EIF2AK4: variants seen among roughly 807,000 people sequenced by gnomAD.
EIF2AK4 encodes the protein eIF-2-alpha kinase GCN2.
Under a neutral mutation model 211.1 loss-of-function variants are expected in EIF2AK4, and 139 were observed. The observed-to-expected ratio is 0.66, with a 90% CI of 0.57 to 0.76. EIF2AK4 has a LOEUF of 0.76. Among genes scored for constraint, EIF2AK4 ranks in the 30% least tolerant of loss-of-function variants. EIF2AK4 has a pLI of 0.00. For synonymous variants in EIF2AK4, 710 were observed against 751.3 expected (o/e 0.94, Z 0.90); for missense variants, 1,664 against 2,043.8 (o/e 0.81, Z 3.58).
intron 14 of EIF2AK4, among the ~76,000 whole-genome samples, 194 bp from the exon 15 acceptor site, chr15:39,987,789 A>G (rs762307320): frequency 2.0e-5 from 3 of 152,248 alleles, no homozygotes; most frequent in Non-Finnish European, 2.9e-5. Context: ...TGGAGTGCCA[A>G]GAGTATGCAT....
At chr15:39,998,270 G>GTTTTTTTTTTTTTTTTTTT (rs11435806) in intron 19 of EIF2AK4, among the ~76,000 whole-genome samples, 1 of 125,406 alleles carries the variant, frequency 8.0e-6, no homozygotes, top group Non-Finnish European at 1.6e-5. Flanking sequence ...TTTTTTTTTT[G>GTTTTTTTTTTTTTTTTTTT]TTTTGTTTTT....
In EIF2AK4 at chr15:39,988,062, T is replaced by G. The variant is rs1379790900; in HGVS notation, c.2483T>G (p.Leu828Arg). The G allele has an allele frequency of 1.2e-6, 2 of 1,614,032 alleles. No individual in the cohort carries two copies. The highest frequency in any genetic ancestry group is 1.7e-5 in the Admixed American group (1 of 59,998). The change falls in exon 15 of 39, where the codon CTT becomes CGT. Residue 828 changes from leucine (L) to arginine (R), a missense_variant. Physicochemically the swap from Leu to Arg is moderately radical, Grantham distance 102 (BLOSUM62 -2). This residue lies in a region of EIF2AK4 where 622 missense variants were observed against 796.8 expected (regional missense o/e 0.78). Transcript: ENST00000263791. ...LYRDTVRLWRLFREILDGLAY... is the reference protein window; with the variant it reads ...LYRDTVRLWRRFREILDGLAY... ...CGAGACACCGTCAGACTCTGGAGGC[T>G]TTTTCGAGAGATTCTGGATGGATTA...
chr15:39,997,587 TAGAAGTTAA>T (rs2035034114), intron 19 of EIF2AK4, among the ~76,000 whole-genome samples: 1 of 152,216 alleles, frequency 6.6e-6, no homozygotes, highest in South Asian at 2.1e-4. Flanking sequence ...TATTTAGTTC[TAGAAGTTAA>T]AGATGCCTGT....
At position 40,009,624 on chromosome 15, in the gene EIF2AK4, A is replaced by G; in HGVS notation, c.3587A>G (p.Tyr1196Cys). The change falls in exon 26 of 39, where the codon TAC becomes TGC. Residue 1196 changes from tyrosine to cysteine, a missense_variant. Physicochemically the swap from Tyr to Cys is radical, Grantham distance 194. Around this residue, in one of 7 missense-constraint regions of EIF2AK4, gnomAD observed 622 missense variants for 796.8 expected, o/e 0.78. Coordinates refer to ENST00000263791, the MANE Select transcript of EIF2AK4 (RefSeq NM_001013703.4). ...QEFPALQERN[Y>C]SIYLNHTMLL... is the part of the protein sequence containing the mutation. ...TTCTCCATATCCCAGGAAAGAAATT[A>G]CAGTATTTATTTGAACCATACCATG... 1 of 1,581,812 alleles carries G rather than the reference A, an allele frequency of 6.3e-7. No homozygotes were observed. The highest frequency in any genetic ancestry group is 8.6e-7 in the Non-Finnish European group (1 of 1,165,206).
intron 1 of EIF2AK4, among the ~76,000 whole-genome samples, chr15:39,938,143 T>G (rs1267809340): frequency 6.6e-6 from 1 of 152,232 alleles, no homozygotes; most frequent in Non-Finnish European, 1.5e-5. Flanking sequence ...TATGTTTGTT[T>G]TCCCCCACCA....
At chr15:39,939,685 G>A in intron 2 of EIF2AK4, 68 bp downstream of exon 2, 1 of 1,297,148 alleles carries the variant, frequency 7.7e-7, no homozygotes, top group Non-Finnish European at 1.1e-6. Context: ...GAAACAGATT[G>A]AAATTCGTAG....
chr15:39,934,380 G>T, intron 1 of EIF2AK4, 41 bp downstream of exon 1: 1 of 1,566,264 alleles, frequency 6.4e-7, no homozygotes, highest in Non-Finnish European at 8.6e-7. Flanking sequence ...GCGTGCCCTG[G>T]CCTCCCCGGG....
At chr15:40,006,913 T>TA (rs2035169658) in intron 23 of EIF2AK4, 103 bp from the exon 24 acceptor site, 3 of 844,406 alleles carry the variant, frequency 3.6e-6, no homozygotes. Flanking sequence ...GTACATACTT[T>TA]AAAGGGGTGA....
At chr15:39,946,341 A>G (rs112534068) in intron 3 of EIF2AK4, among the ~76,000 whole-genome samples, 4 of 152,318 alleles carry the variant, frequency 2.6e-5, no homozygotes, top group African/African-American at 9.6e-5. Flanking sequence ...GGGGTTCAAG[A>G]CTTCACTGGA....
intron 3 of EIF2AK4, chr15:39,946,474 C>G: frequency 1.5e-6 from 1 of 671,634 alleles, no homozygotes; most frequent in East Asian, 2.7e-5. Context: ...GATTAGTTGC[C>G]TCTTATAGAT....
chr15:39,974,700 C>T (rs549123291), intron 11 of EIF2AK4: 53 of 152,198 alleles, frequency 3.5e-4, no homozygotes, highest in African/African-American at 1.2e-3. Context: ...AGAATAGTAA[C>T]AAATTTCATC....
chr15:39,996,701 A>T (rs2035023042), intron 18 of EIF2AK4, among the ~76,000 whole-genome samples: 2 of 152,078 alleles, frequency 1.3e-5, no homozygotes, highest in South Asian at 4.1e-4. Flanking sequence ...ACAGAGTGAG[A>T]CTCTGCCTCA....
chr15:39,934,428 C>T (rs2034033050), intron 1 of EIF2AK4, 89 bp downstream of exon 1: 1 of 1,480,022 alleles, frequency 6.8e-7, no homozygotes, highest in African/African-American at 1.4e-5. Flanking sequence ...GATTGGGCCG[C>T]CGCTTTAGGA....
chr15:40,034,107 T>C (rs896746365), intron 37 of EIF2AK4, among the ~76,000 whole-genome samples: 2 of 151,928 alleles, frequency 1.3e-5, no homozygotes, highest in South Asian at 4.1e-4. Flanking sequence ...GGCTGCAGCA[T>C]TGTTAATCAG....
At chr15:40,009,549 C>T (rs937369445) in intron 25 of EIF2AK4, 65 bp from the exon 26 acceptor site, 5 of 954,860 alleles carry the variant, frequency 5.2e-6, no homozygotes, top group Non-Finnish European at 7.9e-6. Context: ...GGTAAGTTTC[C>T]AGATTTGGTC....
At chr15:40,001,711 C>T (rs922978803) in intron 21 of EIF2AK4, among the ~76,000 whole-genome samples, 3 of 151,518 alleles carry the variant, frequency 2.0e-5, no homozygotes, top group South Asian at 2.1e-4. Flanking sequence ...AAGCATCAAC[C>T]AGCTCATATC....
At position 40,007,995 on chromosome 15, in the gene EIF2AK4, A is replaced by G. The variant is rs770602143; in HGVS notation, c.3408-32A>G. ...TATACATATTTCTTTCTAGTAAGCA[A>G]TGACCTTAGAAATCTGGGTTTCTCT... On this transcript the variant is annotated intron_variant, in intron 24 of 38. Transcript: ENST00000263791. 6.9e-6 allele frequency: 10 copies of G among 1,459,178 alleles called. No homozygotes were observed. The East Asian group carries it at 1.5e-4, about 22-fold the overall frequency. The allele number at this position is 1,459,178 out of a possible 1,614,324, so 90.4% of individuals were successfully genotyped here. A position where few individuals can be genotyped will look rare whatever the true frequency, so the allele number is the denominator to read the frequency against.
intron 14 of EIF2AK4, among the ~76,000 whole-genome samples, chr15:39,986,347 A>G (rs981686896): frequency 6.6e-6 from 1 of 152,268 alleles, no homozygotes; most frequent in Admixed American, 6.5e-5. Context: ...CTGGACAAGT[A>G]AGATATGATG....
At chr15:39,998,271 T>G (rs1439836946) in intron 19 of EIF2AK4, among the ~76,000 whole-genome samples, 2 of 56,878 alleles carry the variant, frequency 3.5e-5, no homozygotes, top group East Asian at 3.9e-4. Context: ...TTTTTTTTTG[T>G]TTTGTTTTTT....
Sources: allele counts gnomAD v4.1 joint callset (sites outside exome capture counted in the v4.1 genomes callset), GRCh38; gene constraint gnomAD v4.1.1; regional missense constraint gnomAD v4.1.1; transcripts MANE v1.5; gene names NCBI Gene and HGNC (gene_info 2026-07-23, HGNC 2026-07-21).